Variants in MAPRE2 observed in about 807,000 individuals in gnomAD.
MAPRE2 encodes the protein microtubule associated protein RP/EB family member 2, also known as microtubule-associated protein RP/EB family member 2.
In MAPRE2, 13 loss-of-function variants were observed where a neutral mutation model predicts 43.2. The ratio of observed to expected loss-of-function variants is 0.30; its 90% CI spans 0.20 to 0.48. The LOEUF (loss-of-function observed/expected upper bound fraction) is 0.48, where lower values mean the gene tolerates loss of function less well. Ranked by LOEUF, MAPRE2 falls within the 20% of genes least tolerant of loss-of-function variation. The pLI is 0.99. For missense variants in MAPRE2, 161 were observed against 400.2 expected, an observed-to-expected ratio of 0.40 and a Z score of 5.10; for synonymous variants, 135 against 148.8, an observed-to-expected ratio of 0.91 and a Z score of 0.68.
At chr18:35,132,260 A>G in intron 6 of MAPRE2, 70 bp downstream of exon 6, 1 of 1,446,850 alleles carries the variant, frequency 6.9e-7, no homozygotes. Context: ...GTAGATCAGC[A>G]CTCCTTAGAA....
intron 1 of MAPRE2, among the ~76,000 whole-genome samples, chr18:35,065,291 CTG>C (rs1168268069): frequency 6.7e-6 from 1 of 149,476 alleles, no homozygotes; most frequent in Non-Finnish European, 1.5e-5. Flanking sequence ...GAGTAGGACT[CTG>C]TCTCAAAAAA....
At chr18:35,088,065 G>A (rs1163798851) in intron 2 of MAPRE2, among the ~76,000 whole-genome samples, 2 of 152,138 alleles carry the variant, frequency 1.3e-5, no homozygotes, top group East Asian at 1.9e-4. Context: ...CCTCTTAGTG[G>A]TCCTACCTCT....
chr18:35,071,251 T>TA (rs1479542829), intron 2 of MAPRE2, among the ~76,000 whole-genome samples: 2 of 152,064 alleles, frequency 1.3e-5, no homozygotes, highest in East Asian at 1.9e-4. Context: ...TGTGGTGACT[T>TA]ACGCCTGTAA....
chr18:35,026,863 A>G (rs920251933), intron 2 of MAPRE2, among the ~76,000 whole-genome samples: 1 of 152,204 alleles, frequency 6.6e-6, no homozygotes, highest in Non-Finnish European at 1.5e-5. Context: ...GACACTCACC[A>G]GCTCCTAACC....
chr18:35,026,779 G>A (rs1464290661), intron 2 of MAPRE2, among the ~76,000 whole-genome samples: 1 of 152,138 alleles, frequency 6.6e-6, no homozygotes, highest in Non-Finnish European at 1.5e-5. Flanking sequence ...TAAAGCAGAG[G>A]ACAGGTTCCC....
chr18:35,043,842 G>T (rs1329898857), intron 1 of MAPRE2, among the ~76,000 whole-genome samples: 16 of 152,244 alleles, frequency 1.1e-4, no homozygotes, highest in African/African-American at 3.1e-4. Context: ...CTTTCAAAGT[G>T]GATGTCCAGT....
intron 1 of MAPRE2, among the ~76,000 whole-genome samples, chr18:34,985,241 A>ATT (rs1311854796): frequency 1.7e-5 from 1 of 60,042 alleles, no homozygotes; most frequent in Non-Finnish European, 2.8e-5. Context: ...TATATTATAT[A>ATT]ATATAAAATA....
At chr18:35,089,298 T>C (rs58469052) in intron 2 of MAPRE2, among the ~76,000 whole-genome samples, 5 of 152,320 alleles carry the variant, frequency 3.3e-5, no homozygotes, top group African/African-American at 1.2e-4. Flanking sequence ...AAAGAATGAA[T>C]AGCTAAATTG....
chr18:35,129,335 G>C (rs1355588808), intron 5 of MAPRE2, among the ~76,000 whole-genome samples: 1 of 152,166 alleles, frequency 6.6e-6, no homozygotes, highest in African/African-American at 2.4e-5. Flanking sequence ...CATGGTGTTG[G>C]AACAAAGAAC....
chr18:35,090,304 C>T (rs1244556392), intron 2 of MAPRE2, among the ~76,000 whole-genome samples: 1 of 152,066 alleles, frequency 6.6e-6, no homozygotes, highest in Non-Finnish European at 1.5e-5. Flanking sequence ...TGAATTATAT[C>T]CTAGCTTTAC....
chr18:35,139,332 G>A (rs1910523238), intron 6 of MAPRE2, among the ~76,000 whole-genome samples: 1 of 152,156 alleles, frequency 6.6e-6, no homozygotes, highest in African/African-American at 2.4e-5. Flanking sequence ...CCTTACTGAG[G>A]GAACAGGGAA....
intron 4 of MAPRE2, among the ~76,000 whole-genome samples, chr18:35,119,111 G>T (rs146960700): frequency 6.6e-6 from 1 of 152,142 alleles, no homozygotes; most frequent in Admixed American, 6.5e-5. Flanking sequence ...GGAGGTTCTC[G>T]CCTCCCGTGT....
At chr18:35,074,460 A>T (rs1423262370) in intron 2 of MAPRE2, among the ~76,000 whole-genome samples, 1 of 152,186 alleles carries the variant, frequency 6.6e-6, no homozygotes, top group East Asian at 1.9e-4. Context: ...AGAGGGGAAG[A>T]AAAGGAAATG....
intron 1 of MAPRE2, among the ~76,000 whole-genome samples, chr18:35,067,632 C>G (rs977264158): frequency 6.6e-6 from 1 of 152,036 alleles, no homozygotes; most frequent in Non-Finnish European, 1.5e-5. Flanking sequence ...TCTAGCATAA[C>G]CCTGGGCCTC....
At chr18:35,110,792 A>T (rs1443641) in intron 4 of MAPRE2, among the ~76,000 whole-genome samples, 53,311 of 151,918 alleles carry the variant, frequency 0.35, 10,400 homozygotes, top group Non-Finnish European at 0.44. Flanking sequence ...ATTCCACTGC[A>T]TGTGGCCTCC....
chr18:35,124,159 C>T (rs939963262), intron 4 of MAPRE2, among the ~76,000 whole-genome samples: 1 of 152,158 alleles, frequency 6.6e-6, no homozygotes, highest in Non-Finnish European at 1.5e-5. Context: ...CACAGTTTCT[C>T]AGGGCTAGGG....
chr18:35,030,196 C>T (rs1373942365), intron 2 of MAPRE2, among the ~76,000 whole-genome samples: 7 of 152,212 alleles, frequency 4.6e-5, no homozygotes, highest in Non-Finnish European at 1.0e-4. Flanking sequence ...CTCTCACCCT[C>T]ATGGATACTG....
chr18:35,110,146 T>C (rs1909114412), intron 4 of MAPRE2, among the ~76,000 whole-genome samples: 1 of 152,146 alleles, frequency 6.6e-6, no homozygotes, highest in African/African-American at 2.4e-5. Context: ...TTACATACAT[T>C]ATGAACCTCA....
chr18:35,105,575 A>G (rs1908868173), intron 4 of MAPRE2, among the ~76,000 whole-genome samples: 1 of 152,148 alleles, frequency 6.6e-6, no homozygotes, highest in African/African-American at 2.4e-5. Flanking sequence ...TCCAAGAGTC[A>G]GAATAGGTGC....
Sources: gnomAD v4.1 joint callset for allele counts (sites outside exome capture counted in the v4.1 genomes callset) on GRCh38, gnomAD v4.1.1 for gene constraint, MANE v1.5 for transcripts, NCBI Gene and HGNC (gene_info 2026-07-23, HGNC 2026-07-21) for gene names.